IFT25: variants seen among roughly 807,000 people sequenced by gnomAD.
IFT25 encodes intraflagellar transport protein 25 homolog.
the IFT25 span, among the ~76,000 whole-genome samples, chr1:53,918,463 AT>A: frequency 6.6e-6 from 1 of 152,218 alleles, no homozygotes; most frequent in African/African-American, 2.4e-5. Context: ...CACATAGGCA[AT>A]CAAATGCCTC....
the IFT25 span, among the ~76,000 whole-genome samples, chr1:53,914,974 C>T: frequency 4.6e-5 from 7 of 152,280 alleles, no homozygotes; most frequent in East Asian, 5.8e-4. Flanking sequence ...TTTTATCCAT[C>T]GCTTTAAATA....
the IFT25 span, among the ~76,000 whole-genome samples, chr1:53,933,832 A>T: frequency 5.9e-4 from 89 of 152,052 alleles, no homozygotes; most frequent in East Asian, 0.015. Flanking sequence ...TAATTTTTTT[A>T]AAATTCCATT....
the IFT25 span, among the ~76,000 whole-genome samples, chr1:53,912,986 C>T: frequency 6.6e-6 from 1 of 152,180 alleles, no homozygotes; most frequent in African/African-American, 2.4e-5. Context: ...TGGTGCTCTG[C>T]CCAGATGCCT....
chr1:53,924,745 G>A, the IFT25 span, among the ~76,000 whole-genome samples: 287 of 152,262 alleles, frequency 1.9e-3, 1 homozygote, highest in African/African-American at 6.6e-3. Flanking sequence ...GCTGAGGTAG[G>A]AGAATGGCGT....
At chr1:53,935,634 T>TC in the IFT25 span, among the ~76,000 whole-genome samples, 1 of 151,594 alleles carries the variant, frequency 6.6e-6, no homozygotes, top group Admixed American at 6.6e-5. Flanking sequence ...GAACTACTTT[T>TC]TTTTTTTTTT....
chr1:53,934,130 G>T, the IFT25 span, among the ~76,000 whole-genome samples: 1 of 152,046 alleles, frequency 6.6e-6, no homozygotes, highest in Admixed American at 6.6e-5. Flanking sequence ...TTATAGGTTT[G>T]ATTTTCCATC....
the IFT25 span, among the ~76,000 whole-genome samples, chr1:53,943,244 G>C: frequency 6.6e-6 from 1 of 152,100 alleles, no homozygotes; most frequent in Non-Finnish European, 1.5e-5. Context: ...TATGGAAGAA[G>C]GCAAAGAAAT....
the IFT25 span, chr1:53,928,256 C>T: frequency 1.3e-6 from 1 of 794,622 alleles, no homozygotes; most frequent in Non-Finnish European, 2.1e-6. Context: ...CTAAATGTGT[C>T]ACAAGGATCA....
chr1:53,912,044 T>C, the IFT25 span, among the ~76,000 whole-genome samples: 9 of 152,092 alleles, frequency 5.9e-5, no homozygotes, highest in Admixed American at 1.3e-4. Context: ...ATGACCAACA[T>C]AGGCATGAGT....
chr1:53,929,641 A>G, the IFT25 span: 170 of 156,354 alleles, frequency 1.1e-3, 1 homozygote, highest in Non-Finnish European at 1.8e-3. Context: ...GATTTTCAAC[A>G]AGAATTTGAC....
At chr1:53,938,903 C>T in the IFT25 span, among the ~76,000 whole-genome samples, 30 of 151,974 alleles carry the variant, frequency 2.0e-4, no homozygotes, top group Non-Finnish European at 3.4e-4. Flanking sequence ...GGAGAAACCC[C>T]GTCTCTACTA....
chr1:53,926,478 T>C, the IFT25 span, among the ~76,000 whole-genome samples: 2 of 152,334 alleles, frequency 1.3e-5, no homozygotes, highest in East Asian at 1.9e-4. Context: ...TTCTAAATAA[T>C]AATTCTTTAT....
At chr1:53,931,747 G>A in the IFT25 span, among the ~76,000 whole-genome samples, 1 of 151,820 alleles carries the variant, frequency 6.6e-6, no homozygotes, top group Non-Finnish European at 1.5e-5. Flanking sequence ...TTATTTCTTG[G>A]CTAATCTTGT....
At chr1:53,923,751 T>C in the IFT25 span, 7 of 598,258 alleles carry the variant, frequency 1.2e-5, no homozygotes, top group African/African-American at 1.9e-5. Flanking sequence ...ATTTAGCTTA[T>C]ATTATTATTG....
chr1:53,935,156 A>C, the IFT25 span, among the ~76,000 whole-genome samples: 1 of 152,340 alleles, frequency 6.6e-6, no homozygotes, highest in South Asian at 2.1e-4. Flanking sequence ...TATACTAAAA[A>C]TACAAAAATT....
chr1:53,944,088 A>G, the IFT25 span, among the ~76,000 whole-genome samples: 10 of 152,294 alleles, frequency 6.6e-5, no homozygotes, highest in East Asian at 7.7e-4. Context: ...CACACCTTCT[A>G]TATTCACCAT....
At chr1:53,938,102 ATTCTT>A in the IFT25 span, among the ~76,000 whole-genome samples, 17 of 152,220 alleles carry the variant, frequency 1.1e-4, no homozygotes, top group Non-Finnish European at 2.5e-4. Context: ...TCATCTGATC[ATTCTT>A]TTCTTCATCT....
the IFT25 span, among the ~76,000 whole-genome samples, chr1:53,924,903 G>A: frequency 6.6e-6 from 1 of 152,118 alleles, no homozygotes; most frequent in Admixed American, 6.6e-5. Flanking sequence ...ATTAAATAAT[G>A]TACACAATGT....
the IFT25 span, chr1:53,916,679 G>A: frequency 1.9e-5 from 6 of 316,574 alleles, no homozygotes; most frequent in Non-Finnish European, 3.4e-5. Flanking sequence ...CTGAAAGCCT[G>A]TGATCTAGCC....
Sources: gnomAD v4.1 joint callset for allele counts (sites outside exome capture counted in the v4.1 genomes callset) on GRCh38, gnomAD v4.1.1 for gene constraint, MANE v1.5 for transcripts, NCBI Gene and HGNC (gene_info 2026-07-23, HGNC 2026-07-21) for gene names.